Variants in PIK3R3 observed in about 807,000 individuals in gnomAD.
The protein encoded by PIK3R3 is phosphatidylinositol 3-kinase regulatory subunit gamma.
A neutral mutation model predicts 62.9 loss-of-function variants in PIK3R3; 64 were observed. The ratio of observed to expected loss-of-function variants is 1.02; its 90% CI spans 0.83 to 1.25. The LOEUF (loss-of-function observed/expected upper bound fraction) is 1.25. Ranked by LOEUF, PIK3R3 falls within the 50% of genes most tolerant of loss-of-function variation. The probability of loss-of-function intolerance (pLI) is 0.00; values close to 1 mark genes in which losing one functional copy is unlikely to be tolerated. For missense variants in PIK3R3, 614 were observed against 561.6 expected, an observed-to-expected ratio of 1.09 and a Z score of -0.94; for synonymous variants, 165 against 189.0, an observed-to-expected ratio of 0.87 and a Z score of 1.04.
At chr1:46,131,603 G>T (rs1655591418) in intron 1 of PIK3R3, 3 of 523,890 alleles carry the variant, frequency 5.7e-6, no homozygotes, top group African/African-American at 1.9e-5. Context: ...TTTAAAAAGG[G>T]GTCTCTCCTC....
intron 1 of PIK3R3, among the ~76,000 whole-genome samples, chr1:46,110,013 A>C (rs558940979): frequency 1.1e-4 from 17 of 152,192 alleles, no homozygotes; most frequent in African/African-American, 4.1e-4. Flanking sequence ...CAATACCTGC[A>C]GCTCATCCAA....
At chr1:46,152,648 C>T in the PIK3R3 span, among the ~76,000 whole-genome samples, 5 of 151,298 alleles carry the variant, frequency 3.3e-5, no homozygotes, top group African/African-American at 7.3e-5. Flanking sequence ...CTGCAAGCTC[C>T]GCCTCCTGGG....
upstream of PIK3R3, chr1:46,133,076 C>G (rs1655769835): frequency 1.0e-6 from 1 of 996,632 alleles, no homozygotes; most frequent in South Asian, 3.8e-5. Context: ...TGCCTTGCTC[C>G]TGCGAAGGAG....
chr1:46,088,846 G>T (rs785481), intron 1 of PIK3R3, among the ~76,000 whole-genome samples: 1 of 150,272 alleles, frequency 6.7e-6, no homozygotes, highest in African/African-American at 2.5e-5. Context: ...AACACTGGGG[G>T]AAAAGAGAAG....
At chr1:46,048,806 T>A (rs1476342431) in intron 7 of PIK3R3, among the ~76,000 whole-genome samples, 2 of 152,194 alleles carry the variant, frequency 1.3e-5, no homozygotes, top group African/African-American at 2.4e-5. Flanking sequence ...AGGCAACTTT[T>A]CCAATCTCCT....
intron 6 of PIK3R3, among the ~76,000 whole-genome samples, chr1:46,060,091 C>T (rs1391236803): frequency 1.3e-5 from 2 of 151,886 alleles, no homozygotes; most frequent in East Asian, 2.0e-4. Flanking sequence ...CAGAGCGAGA[C>T]TCCGTCTCAA....
intron 1 of PIK3R3, among the ~76,000 whole-genome samples, chr1:46,096,574 A>G (rs1652143527): frequency 6.6e-6 from 1 of 152,252 alleles, no homozygotes; most frequent in African/African-American, 2.4e-5. Context: ...AACTGGAACA[A>G]AAGAACAGCA....
intron 1 of PIK3R3, among the ~76,000 whole-genome samples, chr1:46,104,701 G>A (rs1280471970): frequency 2.0e-5 from 3 of 152,056 alleles, no homozygotes; most frequent in African/African-American, 7.2e-5. Context: ...GGCTGAGGCA[G>A]GTGGATCATT....
intron 3 of PIK3R3, among the ~76,000 whole-genome samples, chr1:46,072,072 C>A (rs1215917115): frequency 6.6e-6 from 1 of 152,152 alleles, no homozygotes; most frequent in African/African-American, 2.4e-5. Flanking sequence ...AGATATTCTG[C>A]AAATGTAATC....
chr1:46,118,562 T>C (rs901982625), intron 1 of PIK3R3, among the ~76,000 whole-genome samples: 1 of 150,168 alleles, frequency 6.7e-6, no homozygotes, highest in Non-Finnish European at 1.5e-5. Flanking sequence ...GTCTTTTTTT[T>C]TTTTTTTTTT....
chr1:46,142,743 G>T, the PIK3R3 span, among the ~76,000 whole-genome samples: 2 of 152,070 alleles, frequency 1.3e-5, no homozygotes, highest in South Asian at 2.1e-4. Flanking sequence ...GTAATTGCAG[G>T]CTGGCCTAAT....
chr1:46,150,785 A>G, the PIK3R3 span, among the ~76,000 whole-genome samples: 7 of 148,622 alleles, frequency 4.7e-5, no homozygotes, highest in African/African-American at 1.7e-4. Context: ...CTATTCCTAC[A>G]TGCTTCTGGT....
intron 1 of PIK3R3, among the ~76,000 whole-genome samples, chr1:46,121,959 G>C (rs1328825972): frequency 6.6e-6 from 1 of 152,058 alleles, no homozygotes; most frequent in Non-Finnish European, 1.5e-5. Flanking sequence ...AAATTAGCCA[G>C]GTGTGGTGGT....
intron 1 of PIK3R3, among the ~76,000 whole-genome samples, chr1:46,090,542 C>T (rs1352039779): frequency 6.6e-6 from 1 of 151,922 alleles, no homozygotes; most frequent in Non-Finnish European, 1.5e-5. Flanking sequence ...ACCATACTGG[C>T]CAGGCTGGTC....
In PIK3R3 at chr1:46,077,586, A is replaced by G. The variant is rs1163799566; in HGVS notation, c.243T>C (p.Asp81=). The change falls in exon 3 of 10, where the codon GAT becomes GAC. Residue 81 remains aspartate, a synonymous_variant. Transcript: ENST00000262741. ...GGACCAAGAAGGTCCCATCTGGCAT[A>G]TCCCGCAATTTGTCATTTACCTCCT... ...SREEVNDKLR[D]MPDGTFLVRD... is the part of the protein sequence containing the mutation. 2 of 1,611,274 alleles carry G rather than the reference A, an allele frequency of 1.2e-6. No individual in the cohort carries two copies. Among genetic ancestry groups the G allele is most frequent in the African/African-American group, 2.7e-5 (2 of 74,994 alleles).
chr1:46,091,904 T>C (rs1018572887), intron 1 of PIK3R3, among the ~76,000 whole-genome samples: 2 of 152,252 alleles, frequency 1.3e-5, no homozygotes, highest in African/African-American at 2.4e-5. Context: ...ATAATTGTTA[T>C]ACTATATTTT....
At chr1:46,145,598 A>G in the PIK3R3 span, among the ~76,000 whole-genome samples, 1 of 151,830 alleles carries the variant, frequency 6.6e-6, no homozygotes, top group Admixed American at 6.6e-5. Context: ...TCAAGACCTC[A>G]CTCACCCCTA....
At chr1:46,074,943 C>T (rs1231196801) in intron 3 of PIK3R3, among the ~76,000 whole-genome samples, 2 of 152,154 alleles carry the variant, frequency 1.3e-5, no homozygotes, top group Non-Finnish European at 2.9e-5. Flanking sequence ...CCTTTGGCAA[C>T]AGAAGAGAAG....
upstream of PIK3R3, chr1:46,133,077 T>C: frequency 1.0e-6 from 1 of 992,668 alleles, no homozygotes; most frequent in Non-Finnish European, 1.2e-6. Context: ...GCCTTGCTCC[T>C]GCGAAGGAGC....
Sources: allele counts gnomAD v4.1 joint callset (sites outside exome capture counted in the v4.1 genomes callset), GRCh38; gene constraint gnomAD v4.1.1; transcripts MANE v1.5; gene names NCBI Gene and HGNC (gene_info 2026-07-23, HGNC 2026-07-21).